Variants in ALPK1 observed in about 807,000 individuals in gnomAD.
The protein encoded by ALPK1 is alpha kinase 1, also known as alpha-protein kinase 1.
In ALPK1, 110 loss-of-function variants were observed where a neutral mutation model predicts 120.6. The ratio of observed to expected loss-of-function variants is 0.91; its 90% CI spans 0.78 to 1.07. ALPK1 has a LOEUF of 1.07. Ranked by LOEUF, ALPK1 falls within the 50% of genes least tolerant of loss-of-function variation. The pLI is 0.00. For synonymous variants in ALPK1, 582 were observed against 560.3 expected, an observed-to-expected ratio of 1.04 and a Z score of -0.55; for missense variants, 1,498 against 1,483.9, an observed-to-expected ratio of 1.01 and a Z score of -0.16.
At chr4:112,414,152 G>A in intron 5 of ALPK1, 1 of 416,404 alleles carries the variant, frequency 2.4e-6, no homozygotes, top group Non-Finnish European at 5.1e-6. Context: ...GTGGAGAAGT[G>A]AAAGAGATTA....
intron 2 of ALPK1, among the ~76,000 whole-genome samples, chr4:112,367,052 G>A (rs1287280906): frequency 1.3e-5 from 2 of 152,174 alleles, no homozygotes; most frequent in African/African-American, 4.8e-5. Flanking sequence ...CAGGGGAAAG[G>A]GTGGAAGGTG....
At chr4:112,394,012 G>T (rs1732542185) in intron 4 of ALPK1, among the ~76,000 whole-genome samples, 1 of 152,120 alleles carries the variant, frequency 6.6e-6, no homozygotes, top group Non-Finnish European at 1.5e-5. Context: ...CATCAAAGCT[G>T]GAGAGAAATT....
chr4:112,359,814 C>T (rs1730835813), intron 2 of ALPK1: 1 of 408,962 alleles, frequency 2.4e-6, no homozygotes, highest in South Asian at 1.9e-5. Context: ...GCCAGAGCCC[C>T]AGTGGGTGCC....
At chr4:112,340,692 G>T (rs1048153688) in intron 2 of ALPK1, among the ~76,000 whole-genome samples, 5 of 152,192 alleles carry the variant, frequency 3.3e-5, no homozygotes, top group African/African-American at 1.2e-4. Context: ...CTTTGTGCGT[G>T]AGCAATGTCC....
intron 2 of ALPK1, chr4:112,358,326 A>G (rs1057345647): frequency 3.2e-5 from 19 of 595,884 alleles, no homozygotes; most frequent in Non-Finnish European, 5.6e-5. Flanking sequence ...GACGTAGCCC[A>G]GTTCTTCCGT....
chr4:112,358,789 T>C (rs1730771699), intron 2 of ALPK1: 2 of 827,552 alleles, frequency 2.4e-6, no homozygotes, highest in Non-Finnish European at 4.3e-6. Context: ...CTCTTCATGG[T>C]GGCCATGAAG....
In ALPK1 at chr4:112,297,398, G is replaced by A. The variant is rs1486643042; in HGVS notation, c.-224G>A. ...ATGAGAAACAGTGTGTTTCAGAGAG[G>A]CTGTACCAGAATTAACTCTGCTCAG... On this transcript the variant is annotated 5_prime_UTR_variant, in exon 1 of 16. Coordinates refer to ENST00000650871, the MANE Select transcript of ALPK1 (RefSeq NM_025144.4). 1 of 151,862 alleles carries A rather than the reference G, an allele frequency of 6.6e-6. No individual in the cohort carries two copies. The highest frequency in any genetic ancestry group is 1.9e-4 in the East Asian group (1 of 5,192). 9.4% of individuals were successfully genotyped at this position (151,862 alleles called of 1,614,324 possible). A position where few individuals can be genotyped will look rare whatever the true frequency, so the allele number is the denominator to read the frequency against.
chr4:112,431,033 GAAAT>G lies in ALPK1; in HGVS notation c.1490_1493del (p.Ile497LysfsTer3). On this transcript the variant is annotated frameshift_variant, in exon 11 of 16. Coordinates refer to ENST00000650871, the MANE Select transcript of ALPK1 (RefSeq NM_025144.4). LOFTEE classifies it high-confidence loss of function. ...AGTCTGCATCACTGCTCTAAAAACAGAAATAAAAAACATAGATACTGTGAGTACT... is the reference window on the plus strand; with the variant it reads ...AGTCTGCATCACTGCTCTAAAAACAGAAAAAACATAGATACTGTGAGTACT... 1.2e-6 allele frequency: 2 copies of G among 1,612,916 alleles called. No individual in the cohort carries two copies. Among genetic ancestry groups the G allele is most frequent in the Non-Finnish European group, 1.7e-6 (2 of 1,179,708 alleles).
intron 4 of ALPK1, among the ~76,000 whole-genome samples, chr4:112,411,354 A>G (rs894296409): frequency 6.6e-6 from 1 of 152,156 alleles, no homozygotes; most frequent in Admixed American, 6.5e-5. Flanking sequence ...CCTCCCGAGT[A>G]GCTGGGACTA....
chr4:112,399,771 C>A (rs1732826431), intron 4 of ALPK1, among the ~76,000 whole-genome samples: 1 of 152,008 alleles, frequency 6.6e-6, no homozygotes, highest in Non-Finnish European at 1.5e-5. Context: ...TCTACAGGCC[C>A]CGGTGTGTGA....
In ALPK1 at chr4:112,431,140, C is replaced by T. The variant is rs373803525; in HGVS notation, c.1593C>T (p.Leu531=). The change falls in exon 11 of 16, where the codon CTC becomes CTT. Residue 531 remains leucine (L), a synonymous_variant. Transcript: ENST00000650871. Reference sequence around the variant, plus strand: ...TGGGTAAGAATGTTCAGAGGGAACTCAGAAGGGGAGGAAGGAGAAACTGGA... The same window carrying T: ...TGGGTAAGAATGTTCAGAGGGAACTTAGAAGGGGAGGAAGGAGAAACTGGA... ...SLMGKNVQRE[L]RRGGRRNWTH... is the part of the protein sequence containing the mutation. 8.7e-6 allele frequency: 14 copies of T among 1,614,028 alleles called. No homozygotes were observed. In the Admixed American group the frequency reaches 1.5e-4, roughly 17 times the overall value.
chr4:112,351,547 C>T (rs1027193975), intron 2 of ALPK1, among the ~76,000 whole-genome samples: 1 of 151,746 alleles, frequency 6.6e-6, no homozygotes, highest in African/African-American at 2.4e-5. Flanking sequence ...GATCTCGGCT[C>T]ACTGCAGCCT....
chr4:112,427,849 C>T (rs748476577), intron 9 of ALPK1, 184 bp downstream of exon 9: 27 of 546,204 alleles, frequency 4.9e-5, no homozygotes, highest in Admixed American at 1.2e-4. Flanking sequence ...ATTATCCCAG[C>T]GCCTAGCACT....
Position 112,429,393 on chromosome 4 carries a change from C to G in ALPK1, c.900+140C>G, listed in dbSNP as rs1392918457. The G allele has an allele frequency of 1.2e-5, 8 of 651,766 alleles. No homozygotes were observed. In the Admixed American group the frequency reaches 2.2e-4, roughly 18 times the overall value. The allele number at this position is 651,766 out of a possible 1,614,324, so 40.4% of individuals were successfully genotyped here. A position where few individuals can be genotyped will look rare whatever the true frequency, so the allele number is the denominator to read the frequency against. ...GTGGCAATTGTGATAAGACTCCACA[C>G]CACATATGGAAAAATTTTATTGGTC... On this transcript the variant is annotated intron_variant, in intron 10 of 15. Transcript: ENST00000650871.
At chr4:112,303,715 CTT>C (rs796885592) in intron 1 of ALPK1, among the ~76,000 whole-genome samples, 1 of 144,392 alleles carries the variant, frequency 6.9e-6, no homozygotes, top group Admixed American at 6.9e-5. Flanking sequence ...CCAGCCACAT[CTT>C]TTTTTTTTTT....
At chr4:112,396,405 A>G (rs1168261444) in intron 4 of ALPK1, among the ~76,000 whole-genome samples, 1 of 152,190 alleles carries the variant, frequency 6.6e-6, no homozygotes. Context: ...TATCAACTAT[A>G]TAAACCGCAA....
intron 12 of ALPK1, 38 bp from the exon 13 acceptor site, chr4:112,438,446 C>T (rs1560691078): frequency 1.3e-5 from 21 of 1,603,038 alleles, no homozygotes; most frequent in Non-Finnish European, 1.5e-5. Flanking sequence ...AGTAAGACCA[C>T]TTTTGCATTT....
chr4:112,356,480 G>A (rs1578494468), intron 2 of ALPK1: 4 of 954,610 alleles, frequency 4.2e-6, no homozygotes, highest in East Asian at 2.6e-5. Flanking sequence ...GGACCCACTC[G>A]CAACTCACAC....
chr4:112,336,904 C>T (rs1013423889), intron 2 of ALPK1, among the ~76,000 whole-genome samples: 2 of 152,088 alleles, frequency 1.3e-5, no homozygotes, highest in African/African-American at 4.8e-5. Flanking sequence ...CAAATTTTTC[C>T]ACTTATTCTT....
Sources: gnomAD v4.1 joint callset for allele counts (sites outside exome capture counted in the v4.1 genomes callset) on GRCh38, gnomAD v4.1.1 for gene constraint, MANE v1.5 for transcripts, NCBI Gene and HGNC (gene_info 2026-07-23, HGNC 2026-07-21) for gene names.